Variants in PCYT1A observed in about 807,000 individuals in gnomAD.
PCYT1A encodes the protein choline-phosphate cytidylyltransferase A.
A neutral mutation model predicts 43.7 loss-of-function variants in PCYT1A; 25 were observed. The ratio of observed to expected loss-of-function variants is 0.57; its 90% CI spans 0.42 to 0.80. The LOEUF is 0.80. Among genes scored for constraint, PCYT1A ranks in the 30% least tolerant of loss-of-function variants. The probability of loss-of-function intolerance (pLI) is 0.00; values close to 1 mark genes in which losing one functional copy is unlikely to be tolerated. For missense variants in PCYT1A, 421 were observed against 474.2 expected (o/e 0.89, Z 1.04); for synonymous variants, 172 against 170.7 (o/e 1.01, Z -0.06).
chr3:196,263,482 G>A (rs183542858), intron 2 of PCYT1A, among the ~76,000 whole-genome samples: 1 of 152,170 alleles, frequency 6.6e-6, no homozygotes, highest in African/African-American at 2.4e-5. Flanking sequence ...CTCCCAAGGC[G>A]CTTGGATTTT....
At chr3:196,271,278 C>G (rs1469869580) in intron 1 of PCYT1A, among the ~76,000 whole-genome samples, 2 of 152,122 alleles carry the variant, frequency 1.3e-5, no homozygotes. Flanking sequence ...CTCAAACTCC[C>G]AAAGACTTGG....
chr3:196,257,962 T>A, intron 2 of PCYT1A, 75 bp from the exon 3 acceptor site: 1 of 807,886 alleles, frequency 1.2e-6, no homozygotes, highest in Non-Finnish European at 2.0e-6. Flanking sequence ...AAAAAAAAGA[T>A]GAGAGAAAGG....
intron 1 of PCYT1A, among the ~76,000 whole-genome samples, chr3:196,285,752 C>A (rs1725893063): frequency 6.6e-6 from 1 of 152,050 alleles, no homozygotes; most frequent in South Asian, 2.1e-4. Flanking sequence ...TCATTTTGTC[C>A]CCCTTTCTTT....
chr3:196,260,251 T>C (rs1009223834), intron 2 of PCYT1A, among the ~76,000 whole-genome samples: 5 of 152,108 alleles, frequency 3.3e-5, no homozygotes, highest in Non-Finnish European at 7.4e-5. Context: ...TGTGTATGTG[T>C]TATTCTTCTT....
intron 1 of PCYT1A, among the ~76,000 whole-genome samples, chr3:196,278,315 G>A (rs541691198): frequency 6.6e-6 from 1 of 152,300 alleles, no homozygotes; most frequent in East Asian, 1.9e-4. Context: ...TTTATGATAA[G>A]TGCGCCTCTG....
chr3:196,262,407 G>A (rs542491167), intron 2 of PCYT1A, among the ~76,000 whole-genome samples: 1 of 152,278 alleles, frequency 6.6e-6, no homozygotes, highest in Non-Finnish European at 1.5e-5. Flanking sequence ...CACAAAAGTA[G>A]GCACTCGACG....
intron 3 of PCYT1A, among the ~76,000 whole-genome samples, chr3:196,256,168 C>T (rs1402217127): frequency 6.6e-6 from 1 of 152,154 alleles, no homozygotes; most frequent in South Asian, 2.1e-4. Context: ...AATACATATA[C>T]CCAAGATAAG....
At position 196,257,701 on chromosome 3, in the gene PCYT1A, T is replaced by C. The variant is rs1724989531; in HGVS notation, c.217+87A>G. On this transcript the variant is annotated intron_variant, in intron 3 of 8. Coordinates refer to ENST00000431016, the MANE Select transcript of PCYT1A (RefSeq NM_001312673.2). ...GCCTTTGCAAGTAAACAGAGGGCAGTATATAGAGAGCAGGTGTGTATTTGA... is the reference window on the plus strand; with the variant it reads ...GCCTTTGCAAGTAAACAGAGGGCAGCATATAGAGAGCAGGTGTGTATTTGA... 1.7e-5 allele frequency: 14 copies of C among 825,364 alleles called. No individual in the cohort carries two copies. The South Asian group carries it at 1.8e-4, about 10-fold the overall frequency. 51.1% of individuals were successfully genotyped at this position (825,364 alleles called of 1,614,324 possible).
At chr3:196,241,856 AG>A in intron 7 of PCYT1A, 91 bp downstream of exon 7, 2 of 1,467,676 alleles carry the variant, frequency 1.4e-6, no homozygotes, top group African/African-American at 2.8e-5. Flanking sequence ...TGATCATCAA[AG>A]CCAACTGCAA....
Position 196,252,176 on chromosome 3 carries a change from CACT to C in PCYT1A, c.218-3856_218-3854del, listed in dbSNP as rs1724825025. Among the ~76,000 whole-genome samples the C allele has an allele frequency of 6.6e-6, 1 of 152,204 alleles. No homozygotes were observed. ...ACGCCCCACTGGCTACAGCGCACAC[CACT>C]ACGCTCAGCTGATTTTTGTATTTTT... is the stretch of plus-strand genomic sequence containing the variant. On this transcript the variant is annotated intron_variant, in intron 3 of 8. Transcript: ENST00000431016. The surrounding 1 kb of genome is among the most constrained non-coding windows in gnomAD (Gnocchi z 4.0).
rs1205674869 is a variant in PCYT1A at position 196,271,441 on chromosome 3, G to A, written c.-10-900C>T. ...TTTTTATTGTTTTTATTTTTTTAGG[G>A]GTCTTGCTAGGTTGTCCAGGCTGGA... On this transcript the variant is annotated intron_variant, in intron 1 of 8. Coordinates refer to ENST00000431016, the MANE Select transcript of PCYT1A (RefSeq NM_001312673.2). Among the ~76,000 whole-genome samples, 3 of 152,044 alleles carry A rather than the reference G, an allele frequency of 2.0e-5. No homozygotes were observed. The South Asian group carries it at 6.2e-4, about 31-fold the overall frequency.
intron 3 of PCYT1A, among the ~76,000 whole-genome samples, chr3:196,257,415 G>A (rs1272212862): frequency 6.6e-6 from 1 of 152,180 alleles, no homozygotes; most frequent in Non-Finnish European, 1.5e-5. Flanking sequence ...ACAGAACGTA[G>A]AGAGGTGGTG....
intron 2 of PCYT1A, among the ~76,000 whole-genome samples, chr3:196,258,526 A>G (rs1725012951): frequency 6.6e-6 from 1 of 151,670 alleles, no homozygotes; most frequent in East Asian, 1.9e-4. Flanking sequence ...TGGATTCCTT[A>G]GCATTTTCTA....
At chr3:196,257,385 G>A (rs1005279013) in intron 3 of PCYT1A, among the ~76,000 whole-genome samples, 2 of 152,056 alleles carry the variant, frequency 1.3e-5, no homozygotes, top group African/African-American at 2.4e-5. Flanking sequence ...TCTATCAATC[G>A]GCAGCATCAT....
Position 196,247,511 on chromosome 3 carries a change from A to G in PCYT1A, c.342T>C (p.Ser114=), listed in dbSNP as rs1724609194. 2 of 1,614,006 alleles carry G rather than the reference A, an allele frequency of 1.2e-6. No homozygotes were observed. Among genetic ancestry groups the G allele is most frequent in the Non-Finnish European group, 1.7e-6 (2 of 1,179,960 alleles). ...PNTYLIVGVC[S]DELTHNFKGF... Reference sequence around the variant, plus strand: ...CTTTGAAGTTGTGTGTGAGCTCATCACTGCAAACTGGTTCACCACATCATA... The same window carrying G: ...CTTTGAAGTTGTGTGTGAGCTCATCGCTGCAAACTGGTTCACCACATCATA... The change falls in exon 5 of 9, where the codon AGT becomes AGC. Residue 114 remains serine, a synonymous_variant. Coordinates refer to ENST00000431016, the MANE Select transcript of PCYT1A (RefSeq NM_001312673.2). This position sits in a 1 kb window ranked among gnomAD's most constrained non-coding sequence, Gnocchi z 4.8.
intron 1 of PCYT1A, among the ~76,000 whole-genome samples, chr3:196,280,863 G>A (rs1446326365): frequency 6.6e-6 from 1 of 152,110 alleles, no homozygotes; most frequent in Non-Finnish European, 1.5e-5. Context: ...GTGGCTGACT[G>A]TGGGTAACTG....
intron 1 of PCYT1A, among the ~76,000 whole-genome samples, chr3:196,276,032 G>A (rs1354149483): frequency 6.6e-6 from 1 of 151,334 alleles, no homozygotes; most frequent in Non-Finnish European, 1.5e-5. Flanking sequence ...GGGAGGCAGA[G>A]CTTGCAGTGA....
chr3:196,239,295 C>CA (rs1405075372), intron 8 of PCYT1A, among the ~76,000 whole-genome samples: 5 of 152,178 alleles, frequency 3.3e-5, no homozygotes. Flanking sequence ...AAAAGCTGGG[C>CA]AAGGCGACTT....
chr3:196,256,169 C>CCT (rs1218902563), intron 3 of PCYT1A, among the ~76,000 whole-genome samples: 2 of 152,088 alleles, frequency 1.3e-5, no homozygotes, highest in Non-Finnish European at 2.9e-5. Flanking sequence ...ATACATATAC[C>CCT]CAAGATAAGG....
Sources: allele counts gnomAD v4.1 joint callset (sites outside exome capture counted in the v4.1 genomes callset), GRCh38; gene constraint gnomAD v4.1.1; non-coding constraint Gnocchi (gnomAD v3.1); transcripts MANE v1.5; gene names NCBI Gene and HGNC (gene_info 2026-07-23, HGNC 2026-07-21).